COPB2: variants seen among roughly 807,000 people sequenced by gnomAD.
COPB2 encodes coatomer subunit beta'.
A neutral mutation model predicts 120.8 loss-of-function variants in COPB2; 16 were observed. That is an observed-to-expected ratio of 0.13 (90% CI 0.09 to 0.20). The LOEUF is 0.20. Among genes scored for constraint, COPB2 ranks in the 10% least tolerant of loss-of-function variants. The probability of loss-of-function intolerance (pLI) is 1.00; values close to 1 mark genes in which losing one functional copy is unlikely to be tolerated. For missense variants in COPB2, 794 were observed against 1,076.5 expected, an observed-to-expected ratio of 0.74 and a Z score of 3.67; for synonymous variants, 332 against 366.3, an observed-to-expected ratio of 0.91 and a Z score of 1.07.
chr3:139,380,954 T>C (rs1275406050), intron 2 of COPB2: 2 of 152,198 alleles, frequency 1.3e-5, no homozygotes, highest in African/African-American at 4.8e-5. Context: ...TTCAACGCCA[T>C]GTTAGGGGCT....
rs763848444 is a variant in COPB2 at position 139,374,614 on chromosome 3, TTTTATTAATGAAAAACA to T, written c.652-43_652-27del. 4 of 1,591,114 alleles carry T rather than the reference TTTTATTAATGAAAAACA, an allele frequency of 2.5e-6. No homozygotes were observed. In the East Asian group the frequency reaches 9.0e-5, roughly 36 times the overall value. On this transcript the variant is annotated intron_variant, in intron 6 of 21. Coordinates refer to ENST00000333188, the MANE Select transcript of COPB2 (RefSeq NM_004766.3). Reference sequence around the variant, plus strand: ...CTGTAATTAAGACATAGAAAACATGTTTTATTAATGAAAAACATGTAACCAGCCCGCCCTTAATTTTC... The same window carrying T: ...CTGTAATTAAGACATAGAAAACATGTTGTAACCAGCCCGCCCTTAATTTTC...
Position 139,363,980 on chromosome 3 carries a change from G to A in COPB2, c.1885-1463C>T, listed in dbSNP as rs184464000. On this transcript the variant is annotated intron_variant, in intron 15 of 21. Transcript: ENST00000333188. ...AAGGGCAAAACACATGAAATGAGGC[G>A]GACTAAAATATATACTTTTGTTTTC... Among the ~76,000 whole-genome samples the A allele has an allele frequency of 2.4e-4, 37 of 152,092 alleles. 1 individual carries two copies. The East Asian group carries it at 6.2e-3, about 25-fold the overall frequency.
chr3:139,378,704 T>C (rs1941758855), intron 4 of COPB2, among the ~76,000 whole-genome samples: 1 of 152,234 alleles, frequency 6.6e-6, no homozygotes. Context: ...CAAACTAGTT[T>C]GAATATAAAG....
Position 139,357,677 on chromosome 3 carries a change from G to A in COPB2, c.*186C>T. On this transcript the variant is annotated 3_prime_UTR_variant, in exon 22 of 22. Coordinates refer to ENST00000333188, the MANE Select transcript of COPB2 (RefSeq NM_004766.3). ...TGTTTTAGTTAACAAGGAAAACACA[G>A]TGATTTAAATGCTGCACATAAACTC... 4.7e-6 allele frequency: 2 copies of A among 423,416 alleles called. No individual in the cohort carries two copies. The highest frequency in any genetic ancestry group is 8.3e-6 in the Non-Finnish European group (2 of 240,956). The allele number at this position is 423,416 out of a possible 1,614,324, so 26.2% of individuals were successfully genotyped here. A position where few individuals can be genotyped will look rare whatever the true frequency, so the allele number is the denominator to read the frequency against.
intron 5 of COPB2, among the ~76,000 whole-genome samples, chr3:139,376,863 C>T (rs1456202748): frequency 6.6e-6 from 1 of 152,218 alleles, no homozygotes; most frequent in Admixed American, 6.5e-5. Context: ...CATTCTCCTG[C>T]CTCAGCCTCC....
rs747199557 is a variant in COPB2 at position 139,373,296 on chromosome 3, A to G, written c.1011T>C (p.Asp337=). 14 of 1,614,156 alleles carry G rather than the reference A, an allele frequency of 8.7e-6. No homozygotes were observed. The highest frequency in any genetic ancestry group is 1.6e-4 in the Middle Eastern group (1 of 6,062). The stretch of plus-strand genomic sequence containing the variant: ...TTACTGCCAGTGGCAATCTTTCACC[A>G]TCTTTAATTTCAGCATCTCCCATTG... ...LKAMGDAEIK[D]GERLPLAVKD... Residue 337 remains aspartate, a synonymous_variant, in exon 9 of 22, where the codon GAT becomes GAC. Transcript: ENST00000333188.
intron 13 of COPB2, 108 bp from the exon 14 acceptor site, chr3:139,367,253 A>AT (rs369747747): frequency 7.6e-7 from 1 of 1,319,432 alleles, no homozygotes; most frequent in African/African-American, 1.5e-5. Context: ...ATGCAAAGTA[A>AT]AATCCTTCCT....
intron 15 of COPB2, among the ~76,000 whole-genome samples, chr3:139,363,832 A>G (rs193142885): frequency 2.6e-5 from 4 of 152,330 alleles, no homozygotes; most frequent in African/African-American, 9.6e-5. Flanking sequence ...TCCATCCATG[A>G]ATACGATGTA....
intron 21 of COPB2, 102 bp downstream of exon 21, chr3:139,358,098 T>C: frequency 1.7e-6 from 2 of 1,153,820 alleles, no homozygotes; most frequent in East Asian, 2.4e-5. Flanking sequence ...GCCCCTGCTC[T>C]GAAACTGATG....
At chr3:139,358,009 A>C in intron 21 of COPB2, 51 bp from the exon 22 acceptor site, 1 of 1,168,154 alleles carries the variant, frequency 8.6e-7, no homozygotes, top group Admixed American at 2.3e-5. Flanking sequence ...TGTTAAAGGA[A>C]AGTTATCCGT....
chr3:139,382,544 T>C (rs981488225), intron 2 of COPB2: 1 of 152,334 alleles, frequency 6.6e-6, no homozygotes, highest in Non-Finnish European at 1.5e-5. Flanking sequence ...AGTATAAAAG[T>C]ATAAAGGTGT....
In COPB2 at chr3:139,359,382, G is replaced by A. The variant is rs770875386; in HGVS notation, c.2211-20C>T. 2.5e-5 allele frequency: 40 copies of A among 1,604,264 alleles called. No individual in the cohort carries two copies. Among genetic ancestry groups the A allele is most frequent in the Non-Finnish European group, 3.4e-5 (40 of 1,172,934 alleles). On this transcript the variant is annotated intron_variant, in intron 17 of 21. Transcript: ENST00000333188. ...TCAACCCTAAACATTAAAAAGGAGA[G>A]GTACTGTTACCAAGAATAAACACTA...
chr3:139,383,793 T>C (rs1941858656), intron 1 of COPB2, among the ~76,000 whole-genome samples: 1 of 129,136 alleles, frequency 7.7e-6, no homozygotes, highest in Non-Finnish European at 1.8e-5. Context: ...TATATATTAA[T>C]TCATTTTCAA....
chr3:139,359,249 C>G, intron 18 of COPB2, 21 bp downstream of exon 18: 1 of 1,612,676 alleles, frequency 6.2e-7, no homozygotes, highest in Non-Finnish European at 8.5e-7. Context: ...AACATTTCTT[C>G]CTAAAATTAA....
intron 17 of COPB2, 74 bp downstream of exon 17, chr3:139,361,007 G>A (rs755317775): frequency 2.2e-5 from 33 of 1,506,040 alleles, no homozygotes; most frequent in Admixed American, 3.4e-5. Context: ...TTCTCTCCAG[G>A]GTTCATTCTT....
chr3:139,382,447 G>C (rs190687386), intron 2 of COPB2: 1 of 152,446 alleles, frequency 6.6e-6, no homozygotes, highest in Admixed American at 6.5e-5. Flanking sequence ...AAATTACCCA[G>C]TCTCAGGTAG....
At chr3:139,362,648 G>T in intron 15 of COPB2, 131 bp from the exon 16 acceptor site, 1 of 373,534 alleles carries the variant, frequency 2.7e-6, no homozygotes, top group Non-Finnish European at 4.5e-6. Flanking sequence ...TCTCAAACTA[G>T]AAACCCCACT....
In COPB2 at chr3:139,358,607, G is replaced by A; in HGVS notation, c.2553+137C>T. 4 of 655,172 alleles carry A rather than the reference G, an allele frequency of 6.1e-6. No individual in the cohort carries two copies. In the South Asian group the frequency reaches 7.4e-5, roughly 12 times the overall value. 40.6% of individuals were successfully genotyped at this position (655,172 alleles called of 1,614,324 possible). On this transcript the variant is annotated intron_variant, in intron 20 of 21. Coordinates refer to ENST00000333188, the MANE Select transcript of COPB2 (RefSeq NM_004766.3). ...GAGGCAGGAGAATGGCGTGAACCCG[G>A]GAGACAGAGCTTGCAGTGAGCCTAG...
intron 2 of COPB2, 77 bp downstream of exon 2, chr3:139,383,221 T>A: frequency 2.0e-6 from 3 of 1,523,354 alleles, no homozygotes; most frequent in Non-Finnish European, 2.7e-6. Flanking sequence ...GATTCTGTTA[T>A]AATATTTCTT....
Sources: allele counts gnomAD v4.1 joint callset (sites outside exome capture counted in the v4.1 genomes callset), GRCh38; gene constraint gnomAD v4.1.1; transcripts MANE v1.5; gene names NCBI Gene and HGNC (gene_info 2026-07-23, HGNC 2026-07-21).